NXPE3: variants seen among roughly 807,000 people sequenced by gnomAD.
The protein encoded by NXPE3 is NXPE family member 3.
NXPE3 carries 26 observed loss-of-function variants against 46.1 expected under a neutral mutation model. The observed-to-expected ratio is 0.56, with a 90% CI of 0.41 to 0.78. The LOEUF (loss-of-function observed/expected upper bound fraction) is 0.78. Ranked by LOEUF, NXPE3 falls within the 30% of genes least tolerant of loss-of-function variation. NXPE3 has a pLI of 0.00. For synonymous variants in NXPE3, 272 were observed against 257.9 expected, an observed-to-expected ratio of 1.05 and a Z score of -0.52; for missense variants, 620 against 686.0, an observed-to-expected ratio of 0.90 and a Z score of 1.07.
At chr3:101,812,319 T>C (rs1941748235) in intron 6 of NXPE3, among the ~76,000 whole-genome samples, 1 of 152,186 alleles carries the variant, frequency 6.6e-6, no homozygotes, top group African/African-American at 2.4e-5. Context: ...ATATCTTTAA[T>C]TTCGTTAACC....
chr3:101,801,528 G>A lies in NXPE3; in HGVS notation c.387G>A (p.Val129=). The A allele has an allele frequency of 6.2e-7, 1 of 1,614,208 alleles. No homozygotes were observed. The highest frequency in any genetic ancestry group is 8.5e-7 in the Non-Finnish European group (1 of 1,180,042). Residue 129 remains valine, a synonymous_variant, in exon 5 of 8, where the codon GTG becomes GTA. Coordinates refer to ENST00000273347, the MANE Select transcript of NXPE3 (RefSeq NM_145037.4). ...GCCAGCTTGAGGTGCTGGTTCATGT[G>A]CAGGATTTTCAAAGAAAGCCCAAGA... is the stretch of plus-strand genomic sequence containing the variant. The part of the protein sequence containing the change: ...VGSQLEVLVH[V]QDFQRKPKKY...
Position 101,828,137 on chromosome 3 carries a change from T to C in NXPE3, c.*6183T>C, listed in dbSNP as rs949830801. ...TATCGCTGATTACAGCTGGAAACAA[T>C]TGATTTGCTCTTACGTATTTGTGTG... On this transcript the variant is annotated 3_prime_UTR_variant, in exon 8 of 8. Coordinates refer to ENST00000273347, the MANE Select transcript of NXPE3 (RefSeq NM_145037.4). 6.6e-6 allele frequency: 1 copy of C among 152,228 alleles called. No individual in the cohort carries two copies. Among genetic ancestry groups the C allele is most frequent in the African/African-American group, 2.4e-5 (1 of 41,456 alleles). The allele number at this position is 152,228 out of a possible 1,614,324, so 9.4% of individuals were successfully genotyped here.
In NXPE3 at chr3:101,801,471, C is replaced by G; in HGVS notation, c.330C>G (p.Ile110Met). The G allele has an allele frequency of 6.2e-7, 1 of 1,614,178 alleles. No homozygotes were observed. Among genetic ancestry groups the G allele is most frequent in the Non-Finnish European group, 8.5e-7 (1 of 1,180,054 alleles). ...ACCCTTCTTCCAGCTACTTTGTCAT[C>G]TTGAACTCTGCTGCCTTCTTTAAGG... ...STDPSSSYFV[I>M]LNSAAFFKVG... Residue 110 changes from isoleucine (I) to methionine (M), a missense_variant, in exon 5 of 8, where the codon ATC becomes ATG. Coordinates refer to ENST00000273347, the MANE Select transcript of NXPE3 (RefSeq NM_145037.4).
Position 101,797,513 on chromosome 3 carries a change from C to T in NXPE3, c.94-3722C>T, listed in dbSNP as rs865828450. On this transcript the variant is annotated intron_variant, in intron 4 of 7. Coordinates refer to ENST00000273347, the MANE Select transcript of NXPE3 (RefSeq NM_145037.4). Reference sequence around the variant, plus strand: ...TATGTATACATGTGCCATGCTGGTGCGCTGCACCCACTAACGTGTCATCTA... The same window carrying T: ...TATGTATACATGTGCCATGCTGGTGTGCTGCACCCACTAACGTGTCATCTA... 1.8e-3 allele frequency among the ~76,000 whole-genome samples: 234 copies of T among 132,650 alleles called. 2 individuals carry two copies. The highest frequency in any genetic ancestry group is 3.8e-3 in the Middle Eastern group (1 of 260). 87.0% of individuals were successfully genotyped at this position (132,650 alleles called of 152,430 possible).
chr3:101,825,774 T>G lies in NXPE3; in HGVS notation c.*3820T>G, dbSNP rs1044139569. 2 of 152,244 alleles carry G rather than the reference T, an allele frequency of 1.3e-5. No homozygotes were observed. The highest frequency in any genetic ancestry group is 4.8e-5 in the African/African-American group (2 of 41,468). 9.4% of individuals were successfully genotyped at this position (152,244 alleles called of 1,614,324 possible). A position where few individuals can be genotyped will look rare whatever the true frequency, so the allele number is the denominator to read the frequency against. ...AGGTTTACAATATTAAAGCAGTGGT[T>G]TATATCAATTTCAGTGGTTTAAAAT... On this transcript the variant is annotated 3_prime_UTR_variant, in exon 8 of 8. Coordinates refer to ENST00000273347, the MANE Select transcript of NXPE3 (RefSeq NM_145037.4).
At chr3:101,780,467 A>T (rs1484547241) in intron 1 of NXPE3, among the ~76,000 whole-genome samples, 1 of 152,174 alleles carries the variant, frequency 6.6e-6, no homozygotes, top group Non-Finnish European at 1.5e-5. Flanking sequence ...TCATTTTGGA[A>T]AGGCCATCCT....
At chr3:101,810,811 A>C (rs1257594139) in intron 6 of NXPE3, among the ~76,000 whole-genome samples, 1 of 151,738 alleles carries the variant, frequency 6.6e-6, no homozygotes, top group South Asian at 2.1e-4. Context: ...ACTTGAATGA[A>C]CTTTTTTTGT....
chr3:101,808,580 A>G (rs751162565), intron 6 of NXPE3, among the ~76,000 whole-genome samples: 4 of 151,894 alleles, frequency 2.6e-5, no homozygotes, highest in African/African-American at 4.8e-5. Context: ...TCCAAGAGAA[A>G]CCAGAAACTT....
In NXPE3 at chr3:101,805,483, C is replaced by T. The variant is rs531685489; in HGVS notation, c.849-1570C>T. ...TCGCTTTGTCATCCAGGCTGGGGTG[C>T]GGTGCAGTGATCTCAGCTCACTGTA... On this transcript the variant is annotated intron_variant, in intron 5 of 7. Coordinates refer to ENST00000273347, the MANE Select transcript of NXPE3 (RefSeq NM_145037.4). Among the ~76,000 whole-genome samples, 58 of 150,386 alleles carry T rather than the reference C, an allele frequency of 3.9e-4. 1 individual carries two copies. Among genetic ancestry groups the T allele is most frequent in the South Asian group, 1.9e-3 (9 of 4,770 alleles).
intron 3 of NXPE3, 132 bp from the exon 4 acceptor site, chr3:101,785,270 C>G (rs1236557754): frequency 4.5e-6 from 1 of 221,128 alleles, no homozygotes; most frequent in Non-Finnish European, 9.3e-6. Context: ...TTACTGTGCT[C>G]TGGCTCTTTG....
chr3:101,804,937 TCTAA>T, intron 5 of NXPE3, among the ~76,000 whole-genome samples: 1 of 152,366 alleles, frequency 6.6e-6, no homozygotes, highest in South Asian at 2.1e-4. Flanking sequence ...CTTTTTTCTT[TCTAA>T]CTTTGTGTTT....
intron 7 of NXPE3, among the ~76,000 whole-genome samples, chr3:101,818,074 G>T (rs951331502): frequency 6.6e-6 from 1 of 151,816 alleles, no homozygotes; most frequent in Non-Finnish European, 1.5e-5. Flanking sequence ...TGTATTTTTT[G>T]TAGAGACATG....
At position 101,807,130 on chromosome 3, in the gene NXPE3, A is replaced by T; in HGVS notation, c.922+4A>T. 6.2e-7 allele frequency: 1 copy of T among 1,607,174 alleles called. No homozygotes were observed. The highest frequency in any genetic ancestry group is 8.5e-7 in the Non-Finnish European group (1 of 1,174,108). On this transcript the variant is annotated splice_donor_region_variant and intron_variant, in intron 6 of 7. Transcript: ENST00000273347. Reference sequence around the variant, plus strand: ...GTGATTCCCAGGAGAATAAAAGGTAAAAAAAAGAATAAGCTTGATGATTTG... The same window carrying T: ...GTGATTCCCAGGAGAATAAAAGGTATAAAAAAGAATAAGCTTGATGATTTG...
intron 5 of NXPE3, 125 bp downstream of exon 5, chr3:101,802,114 A>C: frequency 1.2e-6 from 1 of 819,766 alleles, no homozygotes; most frequent in Non-Finnish European, 1.8e-6. Flanking sequence ...CCCAATACAG[A>C]AGAGGTAGTG....
Position 101,821,691 on chromosome 3 carries a change from C to T in NXPE3, c.1417C>T (p.Arg473Ter), listed in dbSNP as rs901519570. 1.2e-6 allele frequency: 2 copies of T among 1,614,204 alleles called. No homozygotes were observed. Among genetic ancestry groups the T allele is most frequent in the Non-Finnish European group, 1.7e-6 (2 of 1,180,038 alleles). ...TCGAGCAGTGGTTCGGCTCCTCGAT[C>T]GAAGCCCAAAGACCGTGGTGGTCAT... ...IRRAVVRLLD[R>*]SPKTVVVIRT... Residue 473 changes from arginine (R) to a stop codon, truncating the protein, a stop_gained, in exon 8 of 8, where the codon CGA becomes TGA. Coordinates refer to ENST00000273347, the MANE Select transcript of NXPE3 (RefSeq NM_145037.4). LOFTEE classifies it high-confidence loss of function.
chr3:101,825,080 G>A lies in NXPE3; in HGVS notation c.*3126G>A, dbSNP rs1942432606. On this transcript the variant is annotated 3_prime_UTR_variant, in exon 8 of 8. Transcript: ENST00000273347. ...TAAACTTACGTCATGGGGGTTTGTT[G>A]TATAGATGATTTCATCACCCAGGTG... 6.6e-6 allele frequency: 1 copy of A among 152,074 alleles called. No individual in the cohort carries two copies. Among genetic ancestry groups the A allele is most frequent in the African/African-American group, 2.4e-5 (1 of 41,406 alleles). The allele number at this position is 152,074 out of a possible 1,614,324, so 9.4% of individuals were successfully genotyped here.
intron 6 of NXPE3, among the ~76,000 whole-genome samples, chr3:101,813,759 TA>T (rs1423075448): frequency 1.3e-5 from 2 of 152,176 alleles, no homozygotes; most frequent in Non-Finnish European, 2.9e-5. Context: ...AATAGTACAT[TA>T]GGGGTTATAT....
At chr3:101,784,413 A>G (rs1036067493) in intron 3 of NXPE3, among the ~76,000 whole-genome samples, 24 of 152,240 alleles carry the variant, frequency 1.6e-4, no homozygotes, top group African/African-American at 5.8e-4. Context: ...GCTGATTGGC[A>G]TTGTCATTGT....
In NXPE3 at chr3:101,822,311, G is replaced by A. The variant is rs1471649849; in HGVS notation, c.*357G>A. On this transcript the variant is annotated 3_prime_UTR_variant, in exon 8 of 8. Transcript: ENST00000273347. ...TGTTTTGATGGAAGGGACAAGTTTG[G>A]TTGGTAGTAGAGTGTTTGTAGCTTA... is the stretch of plus-strand genomic sequence containing the variant. The A allele has an allele frequency of 4.7e-6, 1 of 212,328 alleles. No individual in the cohort carries two copies. The highest frequency in any genetic ancestry group is 1.0e-4 in the East Asian group (1 of 9,916). 13.2% of individuals were successfully genotyped at this position (212,328 alleles called of 1,614,324 possible).
Sources: allele counts gnomAD v4.1 joint callset (sites outside exome capture counted in the v4.1 genomes callset), GRCh38; gene constraint gnomAD v4.1.1; transcripts MANE v1.5; gene names NCBI Gene and HGNC (gene_info 2026-07-23, HGNC 2026-07-21).